Variants in AWAT2 observed in about 807,000 individuals in gnomAD.
AWAT2 encodes acyl-CoA wax alcohol acyltransferase 2.
Under a neutral mutation model 22.3 loss-of-function variants are expected in AWAT2, and 9 were observed. That is an observed-to-expected ratio of 0.40 (90% CI 0.24 to 0.70). The LOEUF is 0.70. Ranked by LOEUF, AWAT2 falls within the 30% of genes least tolerant of loss-of-function variation. The probability of loss-of-function intolerance (pLI) is 0.36; values close to 1 mark genes in which losing one functional copy is unlikely to be tolerated. For synonymous variants in AWAT2, 100 were observed against 93.4 expected (o/e 1.07, Z -0.40); for missense variants, 217 against 265.9 (o/e 0.82, Z 1.28).
chrX:70,044,064 AC>A, intron 2 of AWAT2, 68 bp from the exon 3 acceptor site: 1 of 1,078,188 alleles, frequency 9.3e-7, no homozygotes, highest in Non-Finnish European at 1.3e-6. Context: ...GGGTGCTCTC[AC>A]CCCCTGCTGT....
chrX:70,043,994 C>T lies in AWAT2; in HGVS notation c.199G>A (p.Gly67Ser), dbSNP rs1461455343. The change falls in exon 3 of 8, where the codon GGC becomes AGC. Residue 67 changes from glycine to serine, a missense_variant and splice_region_variant. Transcript: ENST00000276101. ...TGCCTCACACAGGTAAACCGGCGGC[C>T]GCCTGAAAACAGAGGCAATGCAGCC... The part of the protein sequence containing the change: ...AFDWKTPQRG[G>S]RRFTCVRHWR... The T allele has an allele frequency of 4.2e-6, 5 of 1,190,336 alleles. No individual in the cohort carries two copies. The highest frequency in any genetic ancestry group is 4.5e-6 in the Non-Finnish European group (4 of 884,323).
In AWAT2 at chrX:70,043,223, A is replaced by C. The variant is rs1439540724; in HGVS notation, c.493T>G (p.Ser165Ala). 1.7e-6 allele frequency: 2 copies of C among 1,204,734 alleles called. No homozygotes were observed. Among genetic ancestry groups the C allele is most frequent in the East Asian group, 5.9e-5 (2 of 33,709 alleles). The change falls in exon 5 of 8, where the codon TCC becomes GCC. Residue 165 changes from serine to alanine, a missense_variant. Transcript: ENST00000276101. ...TGAGTCAGCAGAAAGTCAATGGAGG[A>C]TCGACTCACAGAGCAGGCCCCTGGT... ...MSTGACSVSR[S>A]SIDFLLTHKG...
rs138589996 is a variant in AWAT2, at chrX:70,041,542, G to A, written c.*116C>T. 767 of 303,193 alleles carry A rather than the reference G, an allele frequency of 2.5e-3. 2 individuals are homozygous for A. Among genetic ancestry groups the A allele is most frequent in the Non-Finnish European group, 3.3e-3 (577 of 175,522 alleles). 25.0% of individuals were successfully genotyped at this position (303,193 alleles called of 1,213,427 possible). A position where few individuals can be genotyped will look rare whatever the true frequency, so the allele number is the denominator to read the frequency against. On this transcript the variant is annotated 3_prime_UTR_variant, in exon 8 of 8. Transcript: ENST00000276101. ...TCCTCAATGCTGGCACCAAAGTGCCGTCAGGGCACCTCTCCCCTAGGCTCT... is the reference window on the plus strand; with the variant it reads ...TCCTCAATGCTGGCACCAAAGTGCCATCAGGGCACCTCTCCCCTAGGCTCT...
At chrX:70,045,220 T>G (rs1466700386) in intron 1 of AWAT2, among the ~76,000 whole-genome samples, 1 of 112,447 alleles carries the variant, frequency 8.9e-6, no homozygotes, top group Non-Finnish European at 1.9e-5. Context: ...TTGCTGGAGC[T>G]CCATGAAAAT....
intron 1 of AWAT2, among the ~76,000 whole-genome samples, chrX:70,049,063 T>C (rs1206719004): frequency 1.8e-5 from 2 of 111,676 alleles, no homozygotes; most frequent in Non-Finnish European, 3.8e-5. Context: ...ATTACACAGA[T>C]AGTAAGTAGT....
chrX:70,049,746 G>T, intron 1 of AWAT2, 102 bp downstream of exon 1: 1 of 1,020,480 alleles, frequency 9.8e-7, no homozygotes. Context: ...GGTTTTACTG[G>T]AACAACCCTA....
intron 4 of AWAT2, 45 bp downstream of exon 4, chrX:70,043,433 G>T: frequency 8.8e-7 from 1 of 1,138,930 alleles, no homozygotes; most frequent in Non-Finnish European, 1.2e-6. Flanking sequence ...TTCTCCCTTG[G>T]GGAGCCATTT....
intron 5 of AWAT2, 128 bp from the exon 6 acceptor site, chrX:70,042,514 A>G (rs1292255326): frequency 3.0e-6 from 2 of 670,217 alleles, no homozygotes; most frequent in African/African-American, 4.3e-5. Context: ...AGCTGTGCCT[A>G]GGTCCAAGTT....
At chrX:70,046,790 T>G (rs1326090313) in intron 1 of AWAT2, among the ~76,000 whole-genome samples, 1 of 112,138 alleles carries the variant, frequency 8.9e-6, no homozygotes, top group Non-Finnish European at 1.9e-5. Context: ...ATAGGGAGCA[T>G]TCACAACTGT....
rs778711541 is a variant in AWAT2, at chrX:70,043,995, G to A, written c.198C>T (p.Gly66=). 2.9e-5 allele frequency: 34 copies of A among 1,188,748 alleles called. No individual in the cohort carries two copies. The highest frequency in any genetic ancestry group is 2.0e-4 in the South Asian group (11 of 53,786). ...LAFDWKTPQR[G]GRRFTCVRHW... is the part of the protein sequence containing the mutation. The stretch of plus-strand genomic sequence containing the variant: ...GCCTCACACAGGTAAACCGGCGGCC[G>A]CCTGAAAACAGAGGCAATGCAGCCA... The change falls in exon 3 of 8, where the codon GGC becomes GGT. Residue 66 remains glycine (G), a splice_region_variant and synonymous_variant. Transcript: ENST00000276101.
At chrX:70,048,440 C>T (rs2020378082) in intron 1 of AWAT2, among the ~76,000 whole-genome samples, 1 of 111,621 alleles carries the variant, frequency 9.0e-6, no homozygotes, top group Admixed American at 9.6e-5. Flanking sequence ...CACTTAACCA[C>T]TGGCAGCTCC....
chrX:70,044,354 C>T lies in AWAT2; in HGVS notation c.194G>A (p.Arg65Gln), dbSNP rs751868800. ...CACAGCACCAGCAGGATGCTTACCTCGCTGAGGGGTCTTCCAGTCAAAAGC... is the reference window on the plus strand; with the variant it reads ...CACAGCACCAGCAGGATGCTTACCTTGCTGAGGGGTCTTCCAGTCAAAAGC... Reference protein sequence around the residue: ...WLAFDWKTPQRGGRRFTCVRH... With the variant: ...WLAFDWKTPQQGGRRFTCVRH... Residue 65 changes from arginine (R) to glutamine (Q), a missense_variant and splice_region_variant, in exon 2 of 8, where the codon CGA becomes CAA. Coordinates refer to ENST00000276101, the MANE Select transcript of AWAT2 (RefSeq NM_001002254.1). 91 of 1,209,127 alleles carry T rather than the reference C, an allele frequency of 7.5e-5. No individual in the cohort carries two copies. Among genetic ancestry groups the T allele is most frequent in the East Asian group, 3.0e-4 (10 of 33,765 alleles).
At position 70,043,573 on chromosome X, in the gene AWAT2, C is replaced by G. The variant is rs756256604; in HGVS notation, c.377G>C (p.Gly126Ala). 8.3e-7 allele frequency: 1 copy of G among 1,208,653 alleles called. No homozygotes were observed. Among genetic ancestry groups the G allele is most frequent in the East Asian group, 3.0e-5 (1 of 33,786 alleles). The change falls in exon 4 of 8, where the codon GGC becomes GCC. Residue 126 changes from glycine (G) to alanine (A), a missense_variant. Physicochemically the swap from Gly to Ala is moderately conservative, Grantham distance 60. Transcript: ENST00000276101. ...GATGCCAGGAAATATCTTGGAGAAG[C>G]CTGAGGCCTCTGTGGCAAAGTGGCC... ...WFGHFATEAS[G>A]FSKIFPGITP...
intron 5 of AWAT2, 52 bp from the exon 6 acceptor site, chrX:70,042,438 G>C (rs759857064): frequency 8.9e-7 from 1 of 1,117,819 alleles, no homozygotes. Flanking sequence ...GGACCTTGTC[G>C]AATGCCAGAC....
In AWAT2 at chrX:70,043,652, G is replaced by C. The variant is rs774238083; in HGVS notation, c.298C>G (p.Arg100Gly). 16 of 1,207,582 alleles carry C rather than the reference G, an allele frequency of 1.3e-5. No individual in the cohort carries two copies. The East Asian group carries it at 4.4e-4, about 34-fold the overall frequency. ...GGGTGGCAGACGAGGATGTAGTTGCGGCTGGGGCAGATGTCATGAGTCTTC... is the reference window on the plus strand; with the variant it reads ...GGGTGGCAGACGAGGATGTAGTTGCCGCTGGGGCAGATGTCATGAGTCTTC... ...LLKTHDICPS[R>G]NYILVCHPHG... Residue 100 changes from arginine to glycine, a missense_variant, in exon 4 of 8, where the codon CGC becomes GGC. Transcript: ENST00000276101.
Position 70,041,844 on chromosome X carries a change from A to C in AWAT2, c.966T>G (p.Phe322Leu). Residue 322 changes from phenylalanine (F) to leucine (L), a missense_variant, in exon 7 of 8, where the codon TTT becomes TTG. Physicochemically the swap from Phe to Leu is conservative, Grantham distance 22. Transcript: ENST00000276101. ...RKLFDQHKTK[F>L]GISETQELEI... Reference sequence around the variant, plus strand: ...CCAGCTCCTGGGTCTCTGAGATACCAAACTTGGTCTTATGCTGGTCAAACA... The same window carrying C: ...CCAGCTCCTGGGTCTCTGAGATACCCAACTTGGTCTTATGCTGGTCAAACA... 1 of 1,211,231 alleles carries C rather than the reference A, an allele frequency of 8.3e-7. No homozygotes were observed. The highest frequency in any genetic ancestry group is 2.2e-5 in the Admixed American group (1 of 46,020).
At position 70,044,386 on chromosome X, in the gene AWAT2, G is replaced by A; in HGVS notation, c.162C>T (p.Thr54=). Residue 54 remains threonine (T), a synonymous_variant, in exon 2 of 8, where the codon ACC becomes ACT. Transcript: ENST00000276101. ...PYWPVTVLIL[T]WLAFDWKTPQ... is the part of the protein sequence containing the mutation. ...GGGTCTTCCAGTCAAAAGCCAGCCA[G>A]GTAAGAATAAGCACAGTGACAGGCC... 1 of 1,211,887 alleles carries A rather than the reference G, an allele frequency of 8.3e-7. No individual in the cohort carries two copies. Among genetic ancestry groups the A allele is most frequent in the Non-Finnish European group, 1.1e-6 (1 of 895,536 alleles).
rs2020349731 is a variant in AWAT2, at chrX:70,044,420, G to T, written c.128C>A (p.Thr43Lys). ...AAGCACAGTGACAGGCCAGTATGGT[G>T]TGAACACCACCAGGTAGAGGTTGAC... The part of the protein sequence containing the change: ...IAVNLYLVVF[T>K]PYWPVTVLIL... Residue 43 changes from threonine to lysine, a missense_variant, in exon 2 of 8, where the codon ACA becomes AAA. Transcript: ENST00000276101. 2 of 1,212,060 alleles carry T rather than the reference G, an allele frequency of 1.7e-6. No individual in the cohort carries two copies. Among genetic ancestry groups the T allele is most frequent in the East Asian group, 5.9e-5 (2 of 33,862 alleles).
At chrX:70,043,430 T>C (rs749038672) in intron 4 of AWAT2, 48 bp downstream of exon 4, 7 of 1,133,512 alleles carry the variant, frequency 6.2e-6, no homozygotes, top group Non-Finnish European at 8.4e-6. Flanking sequence ...CAATTCTCCC[T>C]TGGGGAGCCA....
Sources: gnomAD v4.1 joint callset for allele counts (sites outside exome capture counted in the v4.1 genomes callset) on GRCh38, gnomAD v4.1.1 for gene constraint, MANE v1.5 for transcripts, NCBI Gene and HGNC (gene_info 2026-07-23, HGNC 2026-07-21) for gene names.